Variants in ADAMTSL1 observed in about 807,000 individuals in gnomAD.
ADAMTSL1 encodes the protein ADAMTS like 1.
A neutral mutation model predicts 201.8 loss-of-function variants in ADAMTSL1; 126 were observed. The observed-to-expected ratio is 0.62, with a 90% CI of 0.54 to 0.72. The LOEUF (loss-of-function observed/expected upper bound fraction) is 0.72. ADAMTSL1 is among the 30% of genes least tolerant of loss of function. The probability of loss-of-function intolerance (pLI) is 0.00; values close to 1 mark genes in which losing one functional copy is unlikely to be tolerated. For synonymous variants in ADAMTSL1, 1,121 were observed against 903.4 expected, an observed-to-expected ratio of 1.24 and a Z score of -4.32; for missense variants, 2,679 against 2,277.8, an observed-to-expected ratio of 1.18 and a Z score of -3.59.
At chr9:18,237,745 A>T (rs11791252) in intron 2 of ADAMTSL1, among the ~76,000 whole-genome samples, 5,095 of 152,338 alleles carry the variant, frequency 0.033, 131 homozygotes, top group Non-Finnish European at 0.054. Context: ...TCATTAAATT[A>T]TCCCATCCCA....
At chr9:18,338,702 G>A (rs1369290100) in intron 2 of ADAMTSL1, among the ~76,000 whole-genome samples, 3 of 152,112 alleles carry the variant, frequency 2.0e-5, no homozygotes, top group Admixed American at 6.5e-5. Flanking sequence ...GGAGCTTGAT[G>A]TACAGATTAT....
At chr9:17,940,140 A>G (rs987787066) in intron 1 of ADAMTSL1, among the ~76,000 whole-genome samples, 1 of 152,240 alleles carries the variant, frequency 6.6e-6, no homozygotes, top group Admixed American at 6.5e-5. Flanking sequence ...ACCACTCTGA[A>G]TCATATCTTG....
intron 2 of ADAMTSL1, among the ~76,000 whole-genome samples, chr9:18,342,617 T>C (rs1220939389): frequency 6.6e-6 from 1 of 152,188 alleles, no homozygotes; most frequent in Non-Finnish European, 1.5e-5. Context: ...GATTAGATGA[T>C]GGTTTAGTGA....
intron 26 of ADAMTSL1, among the ~76,000 whole-genome samples, chr9:18,899,799 T>G (rs1230012633): frequency 1.3e-5 from 2 of 152,120 alleles, no homozygotes; most frequent in Non-Finnish European, 2.9e-5. Context: ...TCAAGATGGA[T>G]TAAAGACTTA....
intron 13 of ADAMTSL1, among the ~76,000 whole-genome samples, chr9:18,702,376 A>G (rs942142387): frequency 1.3e-5 from 2 of 152,236 alleles, no homozygotes; most frequent in Non-Finnish European, 2.9e-5. Flanking sequence ...TTATCAGTAT[A>G]TTAATAAAGT....
chr9:18,310,582 G>C (rs1834109976), intron 2 of ADAMTSL1, among the ~76,000 whole-genome samples: 1 of 151,868 alleles, frequency 6.6e-6, no homozygotes, highest in Non-Finnish European at 1.5e-5. Flanking sequence ...ACATTTATGT[G>C]GCCAACAAAT....
At chr9:18,373,743 C>G (rs1837160598) in intron 2 of ADAMTSL1, among the ~76,000 whole-genome samples, 2 of 152,174 alleles carry the variant, frequency 1.3e-5, no homozygotes, top group Admixed American at 6.5e-5. Flanking sequence ...AGCGTTGTCC[C>G]ATTCTAGAGT....
At chr9:18,895,705 G>T (rs1354978415) in intron 26 of ADAMTSL1, among the ~76,000 whole-genome samples, 1 of 152,152 alleles carries the variant, frequency 6.6e-6, no homozygotes, top group Non-Finnish European at 1.5e-5. Context: ...ACCTCAGACT[G>T]ATTACTATGC....
chr9:18,033,704 T>C (rs1821073137), intron 1 of ADAMTSL1, among the ~76,000 whole-genome samples: 1 of 152,172 alleles, frequency 6.6e-6, no homozygotes, highest in Admixed American at 6.5e-5. Flanking sequence ...CACAATTAGC[T>C]CTTGCCCTCA....
At chr9:18,409,334 G>C (rs1818332072) in intron 2 of ADAMTSL1, among the ~76,000 whole-genome samples, 1 of 131,242 alleles carries the variant, frequency 7.6e-6, no homozygotes, top group Non-Finnish European at 1.5e-5. Flanking sequence ...AGTGAACCAA[G>C]ATTGCGCCCC....
intron 2 of ADAMTSL1, among the ~76,000 whole-genome samples, chr9:18,407,409 C>G (rs1180674624): frequency 6.6e-6 from 1 of 152,138 alleles, no homozygotes; most frequent in South Asian, 2.1e-4. Flanking sequence ...GAATTCTCAT[C>G]ATAGAAGAAG....
At chr9:18,524,727 A>G (rs1359234005) in intron 2 of ADAMTSL1, among the ~76,000 whole-genome samples, 1 of 152,160 alleles carries the variant, frequency 6.6e-6, no homozygotes, top group Non-Finnish European at 1.5e-5. Context: ...GGTTCTGTTT[A>G]TATGCTGGAT....
rs754494520 is a variant in ADAMTSL1, at chr9:18,574,281, G to A, written c.474+15G>A. On this transcript the variant is annotated intron_variant, in intron 4 of 28. Coordinates refer to ENST00000380548, the MANE Select transcript of ADAMTSL1 (RefSeq NM_001040272.6). ...GTTTATGCCAAGTAAGTGCTGATTTGTTCTCATTCAACTTGTCCAGAGGGT... is the reference window on the plus strand; with the variant it reads ...GTTTATGCCAAGTAAGTGCTGATTTATTCTCATTCAACTTGTCCAGAGGGT... 4.4e-6 allele frequency: 7 copies of A among 1,604,902 alleles called. No individual in the cohort carries two copies. Among genetic ancestry groups the A allele is most frequent in the Non-Finnish European group, 6.0e-6 (7 of 1,171,650 alleles).
intron 2 of ADAMTSL1, among the ~76,000 whole-genome samples, chr9:18,346,605 G>A (rs1835729093): frequency 6.6e-6 from 1 of 152,184 alleles, no homozygotes; most frequent in Non-Finnish European, 1.5e-5. Context: ...TCCCCCAGGA[G>A]TATAGAAAGT....
rs190341319 is a variant in ADAMTSL1 at position 18,704,722 on chromosome 9, G to T, written c.1575-2025G>T. On this transcript the variant is annotated intron_variant, in intron 13 of 28. Coordinates refer to ENST00000380548, the MANE Select transcript of ADAMTSL1 (RefSeq NM_001040272.6). The stretch of plus-strand genomic sequence containing the variant: ...TTATGTTCCTAAAAAGCTCCTGCAG[G>T]GGTCATTTTTTAAAGCAAGAAGACT... 7.9e-5 allele frequency among the ~76,000 whole-genome samples: 12 copies of T among 152,278 alleles called. No homozygotes were observed. In the East Asian group the frequency reaches 1.7e-3, roughly 22 times the overall value.
At chr9:18,174,183 C>T (rs934177729) in intron 2 of ADAMTSL1, among the ~76,000 whole-genome samples, 4 of 152,106 alleles carry the variant, frequency 2.6e-5, no homozygotes, top group African/African-American at 9.7e-5. Flanking sequence ...ATATAAAGAG[C>T]AAATTCACCT....
intron 23 of ADAMTSL1, among the ~76,000 whole-genome samples, chr9:18,863,628 T>C (rs778787221): frequency 6.6e-6 from 1 of 152,186 alleles, no homozygotes; most frequent in Admixed American, 6.5e-5. Flanking sequence ...GTTTTTCCAA[T>C]ATGAATTAAT....
Position 18,680,693 on chromosome 9 carries a change from A to T in ADAMTSL1, c.1341+177A>T, listed in dbSNP as rs192064736. The T allele has an allele frequency of 7.0e-4, 443 of 637,082 alleles. 2 individuals carry two copies. In the African/African-American group the frequency reaches 7.6e-3, roughly 11 times the overall value. The allele number at this position is 637,082 out of a possible 1,614,324, so 39.5% of individuals were successfully genotyped here. ...AATCCAGCATGACCAAAAGTAAATG[A>T]TGTTTTTTTAAAGTGTCTTTCTTCA... On this transcript the variant is annotated intron_variant, in intron 11 of 28. Coordinates refer to ENST00000380548, the MANE Select transcript of ADAMTSL1 (RefSeq NM_001040272.6).
chr9:17,918,548 C>T (rs1043141999), intron 1 of ADAMTSL1, among the ~76,000 whole-genome samples: 2 of 151,692 alleles, frequency 1.3e-5, no homozygotes, highest in African/African-American at 4.8e-5. Context: ...TTTAATGGAC[C>T]AGAATGATGG....
Sources: allele counts gnomAD v4.1 joint callset (sites outside exome capture counted in the v4.1 genomes callset), GRCh38; gene constraint gnomAD v4.1.1; transcripts MANE v1.5; gene names NCBI Gene and HGNC (gene_info 2026-07-23, HGNC 2026-07-21).